ZNF883: variants seen among roughly 807,000 people sequenced by gnomAD.
ZNF883 encodes zinc finger protein 883.
chr9:112,996,790 C>CAA (rs61714600), downstream of ZNF883, among the ~76,000 whole-genome samples: 241 of 52,074 alleles, frequency 4.6e-3, 24 homozygotes, highest in Middle Eastern at 0.018. Context: ...GACTCCGTCT[C>CAA]AAAAAAAAAA....
rs532647618 is a variant in ZNF883 at position 113,007,464 on chromosome 9, T to C, written n.165+3677A>G. Among the ~76,000 whole-genome samples, 9 of 152,312 alleles carry C rather than the reference T, an allele frequency of 5.9e-5. No individual in the cohort carries two copies. In the South Asian group the frequency reaches 1.7e-3, roughly 28 times the overall value. On this transcript the variant is annotated intron_variant and non_coding_transcript_variant, in intron 2 of 4. Transcript: ENST00000638622. ...CCTACTTCTTAGTATACTGGTGACC[T>C]GACAGTTGTTATTTAAAAACCCTGT...
intron 1 of ZNF883, among the ~76,000 whole-genome samples, chr9:112,988,210 A>C (rs1828271369): frequency 6.6e-6 from 1 of 152,202 alleles, no homozygotes; most frequent in Non-Finnish European, 1.5e-5. Context: ...ATAAGTAAAC[A>C]TGTGCCATGG....
upstream of ZNF883, among the ~76,000 whole-genome samples, chr9:113,000,707 G>A (rs570645316): frequency 3.3e-5 from 5 of 152,160 alleles, no homozygotes; most frequent in African/African-American, 9.6e-5. Flanking sequence ...GGCTACCCAG[G>A]GCAAGTTGGT....
downstream of ZNF883, among the ~76,000 whole-genome samples, chr9:112,993,552 A>G (rs984784435): frequency 6.6e-6 from 1 of 152,230 alleles, no homozygotes; most frequent in African/African-American, 2.4e-5. Context: ...GACCCACCTA[A>G]CAAATCACTC....
chr9:113,004,077 G>A (rs935527132), intron 2 of ZNF883, among the ~76,000 whole-genome samples: 8 of 152,120 alleles, frequency 5.3e-5, no homozygotes, highest in African/African-American at 9.7e-5. Context: ...TTAAGAAGAC[G>A]GTCACGGGAA....
At chr9:112,988,615 T>C (rs1828274640) in intron 1 of ZNF883, among the ~76,000 whole-genome samples, 1 of 152,244 alleles carries the variant, frequency 6.6e-6, no homozygotes, top group African/African-American at 2.4e-5. Flanking sequence ...GCAATAAACA[T>C]ACGTGTGCAT....
chr9:112,997,950 T>C (rs770896578), exon 1 of ZNF883: 1 of 1,613,926 alleles, frequency 6.2e-7, no homozygotes, highest in South Asian at 1.1e-5. Context: ...CTAAAGGTTT[T>C]TTCACATTCA....
intron 1 of ZNF883, among the ~76,000 whole-genome samples, chr9:112,990,978 G>T (rs191181809): frequency 6.6e-6 from 1 of 152,128 alleles, no homozygotes; most frequent in Admixed American, 6.5e-5. Flanking sequence ...ATTTTTTATT[G>T]TGTCTATTTG....
intron 1 of ZNF883, among the ~76,000 whole-genome samples, chr9:112,989,559 C>T (rs1047073342): frequency 1.3e-5 from 2 of 152,152 alleles, no homozygotes; most frequent in African/African-American, 4.8e-5. Flanking sequence ...TAGTGTGATG[C>T]CTCCAGCTTT....
At chr9:112,999,589 T>C (rs1409378047), upstream of ZNF883, 1 of 152,206 alleles carries the variant, frequency 6.6e-6, no homozygotes, top group African/African-American at 2.4e-5. Context: ...AAGTTGAGGG[T>C]TCCTATAACC....
At chr9:113,009,942 T>C (rs938498108) in intron 2 of ZNF883, among the ~76,000 whole-genome samples, 1 of 152,242 alleles carries the variant, frequency 6.6e-6, no homozygotes, top group Non-Finnish European at 1.5e-5. Flanking sequence ...CTATGAATGA[T>C]GTTCAGTAGG....
intron 2 of ZNF883, among the ~76,000 whole-genome samples, chr9:113,007,383 T>C (rs1248111763): frequency 6.6e-6 from 1 of 152,228 alleles, no homozygotes; most frequent in East Asian, 1.9e-4. Flanking sequence ...TTGGTCACAG[T>C]AGCCAGATAG....
downstream of ZNF883, among the ~76,000 whole-genome samples, chr9:112,992,490 T>C (rs980552172): frequency 6.6e-6 from 1 of 152,198 alleles, no homozygotes. Context: ...ACCTGGCCTT[T>C]CTTTCTGGCT....
At chr9:113,008,333 C>CT (rs1828498088) in intron 2 of ZNF883, among the ~76,000 whole-genome samples, 1 of 152,072 alleles carries the variant, frequency 6.6e-6, no homozygotes, top group African/African-American at 2.4e-5. Flanking sequence ...CTAAGATGTC[C>CT]TTTTTTAACA....
chr9:113,009,516 T>G (rs1233939610), intron 2 of ZNF883, among the ~76,000 whole-genome samples: 1 of 148,210 alleles, frequency 6.7e-6, no homozygotes, highest in African/African-American at 2.5e-5. Flanking sequence ...TCATATTCCT[T>G]TTTTTTTTTT....
At chr9:112,999,603 C>G (rs187821045), upstream of ZNF883, 1 of 152,324 alleles carries the variant, frequency 6.6e-6, no homozygotes, top group East Asian at 1.9e-4. Flanking sequence ...TATAACCCCT[C>G]TTTCTCTGGT....
chr9:112,997,394 C>A (rs777062427), exon 1 of ZNF883: 245 of 1,613,846 alleles, frequency 1.5e-4, no homozygotes, highest in Non-Finnish European at 2.0e-4. Flanking sequence ...GGGTTTCACA[C>A]AAGAATGAAT....
At chr9:113,009,795 A>G (rs1475909007) in intron 2 of ZNF883, among the ~76,000 whole-genome samples, 5 of 152,234 alleles carry the variant, frequency 3.3e-5, no homozygotes, top group African/African-American at 9.6e-5. Flanking sequence ...GGCATGAGCC[A>G]TCACGCCCGG....
chr9:112,989,247 A>G (rs1351387902), intron 1 of ZNF883, among the ~76,000 whole-genome samples: 28 of 152,012 alleles, frequency 1.8e-4, no homozygotes, highest in Admixed American at 1.8e-3. Context: ...CTTCTAGGAT[A>G]TTTATAGTTT....
Sources: gnomAD v4.1 joint callset for allele counts (sites outside exome capture counted in the v4.1 genomes callset) on GRCh38, gnomAD v4.1.1 for gene constraint, MANE v1.5 for transcripts, NCBI Gene and HGNC (gene_info 2026-07-23, HGNC 2026-07-21) for gene names.